HSD17B12: variants seen among roughly 807,000 people sequenced by gnomAD.
The protein encoded by HSD17B12 is very-long-chain 3-oxoacyl-CoA reductase.
HSD17B12 carries 32 observed loss-of-function variants against 39.3 expected under a neutral mutation model. The ratio of observed to expected loss-of-function variants is 0.81; its 90% CI spans 0.61 to 1.09. HSD17B12 has a LOEUF of 1.09. Among genes scored for constraint, HSD17B12 ranks in the 50% least tolerant of loss-of-function variants. The pLI is 0.00. For synonymous variants in HSD17B12, 150 were observed against 146.7 expected (o/e 1.02, Z -0.16); for missense variants, 342 against 382.9 (o/e 0.89, Z 0.89).
At chr11:43,795,453 G>A (rs1034346633) in intron 3 of HSD17B12, among the ~76,000 whole-genome samples, 1 of 152,144 alleles carries the variant, frequency 6.6e-6, no homozygotes, top group Non-Finnish European at 1.5e-5. Flanking sequence ...CACAGAACTC[G>A]ATGGTGGAGG....
chr11:43,690,361 C>CATATATATAT (rs61646858), intron 1 of HSD17B12, among the ~76,000 whole-genome samples: 1 of 39,422 alleles, frequency 2.5e-5, no homozygotes, highest in Non-Finnish European at 4.2e-5. Flanking sequence ...GGTATTCATA[C>CATATATATAT]ATATATATAT....
upstream of HSD17B12, among the ~76,000 whole-genome samples, chr11:43,680,260 G>A (rs952342037): frequency 6.6e-6 from 1 of 152,038 alleles, no homozygotes; most frequent in African/African-American, 2.4e-5. Context: ...TTTTAGTAGA[G>A]ACGGGGTTCG....
chr11:43,688,349 T>C (rs1307203466), intron 1 of HSD17B12, among the ~76,000 whole-genome samples: 1 of 152,238 alleles, frequency 6.6e-6, no homozygotes, highest in Non-Finnish European at 1.5e-5. Flanking sequence ...CACTGTGGTA[T>C]GGGAAGTTCT....
chr11:43,656,142 A>T, the HSD17B12 span, among the ~76,000 whole-genome samples: 1 of 152,114 alleles, frequency 6.6e-6, no homozygotes, highest in Non-Finnish European at 1.5e-5. Flanking sequence ...GGGAGAGTGT[A>T]TGTGTCAAGG....
chr11:43,853,327 G>T (rs568676812), intron 9 of HSD17B12: 4 of 103,334 alleles, frequency 3.9e-5, no homozygotes, highest in African/African-American at 1.1e-4. Context: ...CTCTCGCTGA[G>T]ACTCTGTCTC....
chr11:43,601,913 C>A, the HSD17B12 span, among the ~76,000 whole-genome samples: 1 of 152,208 alleles, frequency 6.6e-6, no homozygotes, highest in African/African-American at 2.4e-5. Flanking sequence ...AGTCAGGGAG[C>A]AGATGGGAAC....
At chr11:43,714,797 C>T (rs1347882852) in intron 1 of HSD17B12, among the ~76,000 whole-genome samples, 12 of 152,244 alleles carry the variant, frequency 7.9e-5, no homozygotes, top group East Asian at 7.7e-4. Context: ...TCTTTTATTT[C>T]GTTGAGCAGT....
chr11:43,649,779 G>A, the HSD17B12 span, among the ~76,000 whole-genome samples: 1 of 152,172 alleles, frequency 6.6e-6, no homozygotes, highest in Non-Finnish European at 1.5e-5. Context: ...CCAGTTCCAG[G>A]TATTGCTCTT....
the HSD17B12 span, among the ~76,000 whole-genome samples, chr11:43,608,726 A>G: frequency 2.0e-5 from 3 of 152,236 alleles, no homozygotes; most frequent in African/African-American, 7.2e-5. Flanking sequence ...ATGCAGCAAT[A>G]AAAATATTTG....
chr11:43,619,790 C>T, the HSD17B12 span, among the ~76,000 whole-genome samples: 1 of 152,226 alleles, frequency 6.6e-6, no homozygotes, highest in African/African-American at 2.4e-5. Context: ...TACTGCATCT[C>T]ATTTAACAAC....
intron 9 of HSD17B12, among the ~76,000 whole-genome samples, chr11:43,841,655 T>C (rs1413557952): frequency 6.6e-6 from 1 of 152,212 alleles, no homozygotes; most frequent in African/African-American, 2.4e-5. Context: ...AATTTCAAAT[T>C]AACCATTCTT....
At chr11:43,732,470 CTTT>C (rs879763586) in intron 1 of HSD17B12, among the ~76,000 whole-genome samples, 5 of 142,610 alleles carry the variant, frequency 3.5e-5, no homozygotes, top group African/African-American at 1.3e-4. Context: ...AGCGGTGGAT[CTTT>C]TTTTTTTTTT....
At chr11:43,666,161 T>C in the HSD17B12 span, among the ~76,000 whole-genome samples, 4 of 152,264 alleles carry the variant, frequency 2.6e-5, no homozygotes, top group Admixed American at 6.5e-5. Flanking sequence ...GGCATGCTAG[T>C]CCCTCCATTT....
intron 4 of HSD17B12, among the ~76,000 whole-genome samples, chr11:43,802,126 C>T (rs987702289): frequency 2.0e-5 from 3 of 152,012 alleles, no homozygotes; most frequent in Non-Finnish European, 4.4e-5. Flanking sequence ...GCTGGGACTA[C>T]AGGTGGCTGC....
the HSD17B12 span, among the ~76,000 whole-genome samples, chr11:43,627,159 G>A: frequency 3.3e-5 from 5 of 151,808 alleles, no homozygotes; most frequent in Admixed American, 6.6e-5. Context: ...CAAGTATGAC[G>A]ACATTAAGAG....
the HSD17B12 span, among the ~76,000 whole-genome samples, chr11:43,575,700 C>G: frequency 6.6e-6 from 1 of 152,230 alleles, no homozygotes; most frequent in Non-Finnish European, 1.5e-5. This position sits in a 1 kb window ranked among gnomAD's most constrained non-coding sequence, Gnocchi z 4.1. Flanking sequence ...CTGAACCAGA[C>G]CCACCAAAGA....
intron 1 of HSD17B12, among the ~76,000 whole-genome samples, chr11:43,731,737 T>C (rs1326537824): frequency 6.6e-6 from 1 of 152,210 alleles, no homozygotes; most frequent in Non-Finnish European, 1.5e-5. Flanking sequence ...GAATTTATGC[T>C]GGGCAGGGTG....
intron 1 of HSD17B12, among the ~76,000 whole-genome samples, chr11:43,700,149 C>T (rs1268395295): frequency 6.6e-6 from 1 of 152,046 alleles, no homozygotes; most frequent in East Asian, 1.9e-4. Flanking sequence ...TCTAGTCTAC[C>T]GTGTACTTGG....
chr11:43,614,447 C>T, the HSD17B12 span, among the ~76,000 whole-genome samples: 1 of 152,158 alleles, frequency 6.6e-6, no homozygotes, highest in Non-Finnish European at 1.5e-5. Context: ...CCCCATAGCA[C>T]TTCTGTCCGT....
Sources: allele counts gnomAD v4.1 joint callset (sites outside exome capture counted in the v4.1 genomes callset), GRCh38; gene constraint gnomAD v4.1.1; non-coding constraint Gnocchi (gnomAD v3.1); transcripts MANE v1.5; gene names NCBI Gene and HGNC (gene_info 2026-07-23, HGNC 2026-07-21).